MTCH1: variants seen among roughly 807,000 people sequenced by gnomAD.
MTCH1 encodes mitochondrial carrier homolog 1.
A neutral mutation model predicts 49.3 loss-of-function variants in MTCH1; 23 were observed. That is an observed-to-expected ratio of 0.47 (90% CI 0.34 to 0.66). The LOEUF is 0.66. Ranked by LOEUF, MTCH1 falls within the 30% of genes least tolerant of loss-of-function variation. MTCH1 has a pLI of 0.01. For missense variants in MTCH1, 397 were observed against 532.1 expected, an observed-to-expected ratio of 0.75 and a Z score of 2.50; for synonymous variants, 229 against 215.2, an observed-to-expected ratio of 1.06 and a Z score of -0.56.
intron 1 of MTCH1, among the ~76,000 whole-genome samples, chr6:36,983,993 A>G (rs963580380): frequency 2.6e-5 from 4 of 151,908 alleles, no homozygotes; most frequent in African/African-American, 9.7e-5. Context: ...GGTGTCCTTC[A>G]TTCCCCCATT....
At position 36,978,068 on chromosome 6, in the gene MTCH1, C is replaced by A; in HGVS notation, c.591+10G>T. The A allele has an allele frequency of 6.2e-7, 1 of 1,607,778 alleles. No homozygotes were observed. Among genetic ancestry groups the A allele is most frequent in the Non-Finnish European group, 8.5e-7 (1 of 1,174,200 alleles). On this transcript the variant is annotated intron_variant, in intron 4 of 11. Coordinates refer to ENST00000373627, the MANE Select transcript of MTCH1 (RefSeq NM_001271641.2). ...CACGCACCTCTCCCTCTCCAACTCT[C>A]AACACCCACCTCCTTCACAACTTTC...
In MTCH1 at chr6:36,970,064, T is replaced by C; in HGVS notation, c.1073A>G (p.His358Arg). 6.2e-7 allele frequency: 1 copy of C among 1,614,088 alleles called. No homozygotes were observed. Among genetic ancestry groups the C allele is most frequent in the Non-Finnish European group, 8.5e-7 (1 of 1,180,022 alleles). Residue 358 changes from histidine to arginine, a missense_variant, in exon 11 of 12, where the codon CAC (histidine) becomes CGC (arginine). This residue lies in a region of MTCH1 where 252 missense variants were observed against 388.3 expected (regional missense o/e 0.65). Transcript: ENST00000373627. ...PYSPVFKSWI[H>R]CWKYLSVQGQ... ...CTGCACACTCAGGTACTTCCAGCAG[T>C]GAATCCAGGATTTGAACACTGGGGA...
chr6:36,972,861 C>T lies in MTCH1; in HGVS notation c.762-65G>A. On this transcript the variant is annotated intron_variant, in intron 7 of 11. Coordinates refer to ENST00000373627, the MANE Select transcript of MTCH1 (RefSeq NM_001271641.2). The surrounding 1 kb of genome is among the most constrained non-coding windows in gnomAD (Gnocchi z 4.1). ...AGGAGCAGTTCCTGGGGGCTCCACA[C>T]CCAGGAAGCAGGCAGGGATGTTCCG... is the stretch of plus-strand genomic sequence containing the variant. The T allele has an allele frequency of 6.8e-7, 1 of 1,463,920 alleles. No individual in the cohort carries two copies. The highest frequency in any genetic ancestry group is 2.5e-5 in the East Asian group (1 of 39,870). 90.7% of individuals were successfully genotyped at this position (1,463,920 alleles called of 1,614,324 possible). A position where few individuals can be genotyped will look rare whatever the true frequency, so the allele number is the denominator to read the frequency against.
intron 6 of MTCH1, among the ~76,000 whole-genome samples, chr6:36,976,788 A>C (rs1408017371): frequency 6.6e-6 from 1 of 152,208 alleles, no homozygotes; most frequent in Non-Finnish European, 1.5e-5. Flanking sequence ...CCCCAAGCCC[A>C]TGGGGTGGAT....
At position 36,977,576 on chromosome 6, in the gene MTCH1, C is replaced by T. The variant is rs775929966; in HGVS notation, c.649+58G>A. On this transcript the variant is annotated intron_variant, in intron 5 of 11. Coordinates refer to ENST00000373627, the MANE Select transcript of MTCH1 (RefSeq NM_001271641.2). This position sits in a 1 kb window ranked among gnomAD's most constrained non-coding sequence, Gnocchi z 5.4. ...GTACAGTCCACGAGGGGGCGCCCCT[C>T]ACCCCACGCCCCCGACGCCAGCTTA... 4.3e-4 allele frequency: 548 copies of T among 1,267,362 alleles called. No individual in the cohort carries two copies. Among genetic ancestry groups the T allele is most frequent in the Non-Finnish European group, 6.0e-4 (528 of 887,278 alleles). The allele number at this position is 1,267,362 out of a possible 1,614,324, so 78.5% of individuals were successfully genotyped here. A position where few individuals can be genotyped will look rare whatever the true frequency, so the allele number is the denominator to read the frequency against.
In MTCH1 at chr6:36,968,207, GT is replaced by G. The variant is rs1763548103; in HGVS notation, c.*695del. On this transcript the variant is annotated 3_prime_UTR_variant, in exon 12 of 12. Transcript: ENST00000373627. ...ATCTTACCATGAACTTTAAAACTGG[GT>G]AGGACTAGAGACACTGATCTGCCCA... 1 of 154,324 alleles carries G rather than the reference GT, an allele frequency of 6.5e-6. No individual in the cohort carries two copies. The highest frequency in any genetic ancestry group is 1.4e-5 in the Non-Finnish European group (1 of 69,396). The allele number at this position is 154,324 out of a possible 1,614,324, so 9.6% of individuals were successfully genotyped here.
intron 7 of MTCH1, among the ~76,000 whole-genome samples, chr6:36,974,085 A>G (rs544750307): frequency 2.0e-5 from 3 of 152,342 alleles, no homozygotes; most frequent in Admixed American, 6.5e-5. Context: ...TTGGTTTGTT[A>G]CCAGGTACAT....
intron 1 of MTCH1, among the ~76,000 whole-genome samples, chr6:36,985,155 C>T (rs750721713): frequency 3.3e-5 from 5 of 151,670 alleles, no homozygotes; most frequent in Non-Finnish European, 7.4e-5. Flanking sequence ...CCCCCATCTC[C>T]GGTAAACCGA....
intron 2 of MTCH1, among the ~76,000 whole-genome samples, chr6:36,978,870 CCCT>C (rs1482937448): frequency 1.7e-4 from 25 of 145,604 alleles, no homozygotes; most frequent in South Asian, 6.4e-4. Flanking sequence ...TTCCCTCCCT[CCCT>C]CCTTTTTTTT....
At position 36,977,898 on chromosome 6, in the gene MTCH1, G is replaced by A. The variant is rs1034140574; in HGVS notation, c.591+180C>T. On this transcript the variant is annotated intron_variant, in intron 4 of 11. Transcript: ENST00000373627. This position sits in a 1 kb window ranked among gnomAD's most constrained non-coding sequence, Gnocchi z 5.4. ...GGGTCCCAGGCTAGGCCCAACAATG[G>A]CTGAGAAGGCTTTCCGGGGTTCCCG... Among the ~76,000 whole-genome samples the A allele has an allele frequency of 1.3e-5, 2 of 152,172 alleles. No homozygotes were observed. Among genetic ancestry groups the A allele is most frequent in the African/African-American group, 2.4e-5 (1 of 41,434 alleles).
At chr6:36,986,322 C>T (rs1469687278), upstream of MTCH1, 6 of 739,234 alleles carry the variant, frequency 8.1e-6, no homozygotes, top group Middle Eastern at 4.5e-4. Flanking sequence ...ATGTGGCTCC[C>T]CGGCCGGTTG....
chr6:36,970,014 C>G (rs962809219), intron 11 of MTCH1, 25 bp downstream of exon 11: 1 of 1,612,946 alleles, frequency 6.2e-7, no homozygotes, highest in Non-Finnish European at 8.5e-7. Flanking sequence ...ACAGGAAAGG[C>G]CTCCGCCGTC....
chr6:36,986,436 C>T, upstream of MTCH1: 1 of 324,564 alleles, frequency 3.1e-6, no homozygotes, highest in South Asian at 1.2e-4. Flanking sequence ...CGGGGCGCTC[C>T]CCCGGGATGC....
upstream of MTCH1, chr6:36,986,439 C>T (rs1764324753): frequency 3.2e-6 from 1 of 316,374 alleles, no homozygotes; most frequent in African/African-American, 2.2e-5. Flanking sequence ...GGCGCTCCCC[C>T]GGGATGCCCA....
At position 36,977,238 on chromosome 6, in the gene MTCH1, C is replaced by T. The variant is rs1190642466; in HGVS notation, c.662G>A (p.Arg221His). The T allele has an allele frequency of 1.9e-6, 3 of 1,614,036 alleles. No individual in the cohort carries two copies. Among genetic ancestry groups the T allele is most frequent in the South Asian group, 1.1e-5 (1 of 91,080 alleles). ...LAHPLHVISM[R>H]CMVQFVGREA... ...CCGTCCCACAAACTGGACCATGCAG[C>T]GCATTGAGATGACTGAGGAAAAAAA... Residue 221 changes from arginine (R) to histidine (H), a missense_variant, in exon 6 of 12, where the codon CGC (arginine) becomes CAC (histidine). Physicochemically the swap from Arg to His is conservative, Grantham distance 29 (BLOSUM62 0). Around this residue, in one of 2 missense-constraint regions of MTCH1, gnomAD observed 252 missense variants for 388.3 expected, o/e 0.65. Coordinates refer to ENST00000373627, the MANE Select transcript of MTCH1 (RefSeq NM_001271641.2). This position sits in a 1 kb window ranked among gnomAD's most constrained non-coding sequence, Gnocchi z 5.4.
chr6:36,976,365 C>A (rs142833550), intron 6 of MTCH1: 313 of 360,676 alleles, frequency 8.7e-4, no homozygotes, highest in African/African-American at 5.9e-3. Context: ...TAACAACCTA[C>A]TAACAGAGGG....
intron 7 of MTCH1, among the ~76,000 whole-genome samples, chr6:36,973,820 G>A (rs1316214471): frequency 6.6e-6 from 1 of 152,264 alleles, no homozygotes; most frequent in Non-Finnish European, 1.5e-5. Context: ...TGTTTCTGTA[G>A]AGCAGCCATT....
chr6:36,984,042 C>A (rs1018850790), intron 1 of MTCH1, among the ~76,000 whole-genome samples: 1 of 152,114 alleles, frequency 6.6e-6, no homozygotes, highest in African/African-American at 2.4e-5. Context: ...TTCTTTCAAA[C>A]CAGATCTGCC....
At chr6:36,980,886 T>G (rs1764061267) in intron 2 of MTCH1, among the ~76,000 whole-genome samples, 1 of 152,206 alleles carries the variant, frequency 6.6e-6, no homozygotes, top group South Asian at 2.1e-4. Context: ...AGACGGCACC[T>G]GTGGGCCAGG....
Sources: allele counts gnomAD v4.1 joint callset (sites outside exome capture counted in the v4.1 genomes callset), GRCh38; gene constraint gnomAD v4.1.1; regional missense constraint gnomAD v4.1.1; non-coding constraint Gnocchi (gnomAD v3.1); transcripts MANE v1.5; gene names NCBI Gene and HGNC (gene_info 2026-07-23, HGNC 2026-07-21).